The following NINJ2 variants were observed in gnomAD, a reference collection of about 807,000 sequenced individuals.
NINJ2 encodes the protein ninjurin-2.
A neutral mutation model predicts 11.7 loss-of-function variants in NINJ2; 12 were observed. The ratio of observed to expected loss-of-function variants is 1.02; its 90% CI spans 0.66 to 1.66. NINJ2 has a LOEUF of 1.66. Among genes scored for constraint, NINJ2 ranks in the 40% most tolerant of loss-of-function variants. The pLI is 0.00. For missense variants in NINJ2, 187 were observed against 181.8 expected, an observed-to-expected ratio of 1.03 and a Z score of -0.16; for synonymous variants, 93 against 76.8, an observed-to-expected ratio of 1.21 and a Z score of -1.10.
In NINJ2 at chr12:591,998, G is replaced by A. The variant is rs1026557034; in HGVS notation, c.34-25820C>T. ...AACTGCTCCTTTAGCCTGAAGGCCT[G>A]GAGCCCCAGCCGCCAGGCTGTAGCC... is the stretch of plus-strand genomic sequence containing the variant. On this transcript the variant is annotated intron_variant, in intron 1 of 3. Transcript: ENST00000305108. The surrounding 1 kb of genome is among the most constrained non-coding windows in gnomAD (Gnocchi z 5.0). 6.6e-6 allele frequency among the ~76,000 whole-genome samples: 1 copy of A among 151,710 alleles called. No homozygotes were observed. Among genetic ancestry groups the A allele is most frequent in the Non-Finnish European group, 1.5e-5 (1 of 68,002 alleles).
At chr12:660,646 G>C (rs1036001058) in intron 1 of NINJ2, among the ~76,000 whole-genome samples, 18 of 151,806 alleles carry the variant, frequency 1.2e-4, no homozygotes, top group African/African-American at 3.6e-4. Context: ...GCCCTGTTAT[G>C]CTCTTTCTAA....
chr12:621,591 CG>C (rs1246961899), intron 1 of NINJ2, among the ~76,000 whole-genome samples: 5 of 147,446 alleles, frequency 3.4e-5, no homozygotes, highest in Admixed American at 2.0e-4. Context: ...GAGGCCGAGA[CG>C]GGAGATGGGA....
chr12:586,076 C>G (rs1006166665), intron 1 of NINJ2: 5 of 152,222 alleles, frequency 3.3e-5, no homozygotes, highest in African/African-American at 1.2e-4. Context: ...ACATATGGGG[C>G]CCCTCGTTCA....
intron 1 of NINJ2, among the ~76,000 whole-genome samples, chr12:569,903 C>A (rs1947353655): frequency 6.6e-6 from 1 of 152,176 alleles, no homozygotes; most frequent in African/African-American, 2.4e-5. Context: ...TCAGGGTGTC[C>A]CCGCCTGCTC....
intron 1 of NINJ2, among the ~76,000 whole-genome samples, chr12:635,761 C>T (rs1448995483): frequency 6.6e-6 from 1 of 152,176 alleles, no homozygotes; most frequent in Non-Finnish European, 1.5e-5. Flanking sequence ...AGAACTTGCG[C>T]ACCAAAGGAC....
At chr12:588,874 G>T (rs1947680193) in intron 1 of NINJ2, among the ~76,000 whole-genome samples, 1 of 152,160 alleles carries the variant, frequency 6.6e-6, no homozygotes. Flanking sequence ...ACTCAGTGTT[G>T]GTGAAGACAT....
At chr12:648,369 C>T (rs1937724101) in intron 1 of NINJ2, among the ~76,000 whole-genome samples, 1 of 152,202 alleles carries the variant, frequency 6.6e-6, no homozygotes, top group Non-Finnish European at 1.5e-5. Context: ...TGAGCCACTG[C>T]GCCCGGCCTA....
Position 603,600 on chromosome 12 carries a change from A to G in NINJ2, c.34-37422T>C, listed in dbSNP as rs117611374. On this transcript the variant is annotated intron_variant, in intron 1 of 3. Coordinates refer to ENST00000305108, the MANE Select transcript of NINJ2 (RefSeq NM_016533.6). Reference sequence around the variant, plus strand: ...GCACATGGTATGAGGTAAGAGTCCAACTTTATTCTTTTCCATGTGGACATC... The same window carrying G: ...GCACATGGTATGAGGTAAGAGTCCAGCTTTATTCTTTTCCATGTGGACATC... Among the ~76,000 whole-genome samples, 675 of 151,920 alleles carry G rather than the reference A, an allele frequency of 4.4e-3. 34 individuals carry two copies. In the East Asian group the frequency reaches 0.11, roughly 25 times the overall value.
intron 1 of NINJ2, among the ~76,000 whole-genome samples, chr12:611,927 C>T (rs1249789860): frequency 2.0e-5 from 3 of 152,214 alleles, no homozygotes; most frequent in African/African-American, 4.8e-5. Flanking sequence ...GACCACTTAG[C>T]TAAAGTCAGC....
At chr12:621,774 G>A (rs1163638583) in intron 1 of NINJ2, among the ~76,000 whole-genome samples, 8 of 144,866 alleles carry the variant, frequency 5.5e-5, no homozygotes, top group South Asian at 2.2e-4. Flanking sequence ...CCAAGATTGC[G>A]CCACTGCACT....
chr12:575,849 C>G (rs765615657), intron 1 of NINJ2, among the ~76,000 whole-genome samples: 1 of 152,170 alleles, frequency 6.6e-6, no homozygotes, highest in African/African-American at 2.4e-5. Flanking sequence ...TTAAACACCC[C>G]CACTGCAGGG....
rs189339007 is a variant in NINJ2, at chr12:617,424, G to A, written c.33+45904C>T. 4.6e-5 allele frequency among the ~76,000 whole-genome samples: 7 copies of A among 152,252 alleles called. No homozygotes were observed. The East Asian group carries it at 7.7e-4, about 17-fold the overall frequency. ...CTTCTAATCCTGCCCCTGCATATCC[G>A]TGGCCCAAGCATTCCTTCTGCCTCC... On this transcript the variant is annotated intron_variant, in intron 1 of 3. Transcript: ENST00000305108.
intron 1 of NINJ2, among the ~76,000 whole-genome samples, chr12:588,386 T>C (rs1478168756): frequency 2.0e-5 from 3 of 152,232 alleles, no homozygotes; most frequent in Non-Finnish European, 4.4e-5. Flanking sequence ...TTAATACATT[T>C]GACTGCATAA....
intron 1 of NINJ2, among the ~76,000 whole-genome samples, chr12:603,039 G>A (rs1947892286): frequency 1.3e-5 from 2 of 151,704 alleles, no homozygotes; most frequent in African/African-American, 4.8e-5. Context: ...ATCTCACTAT[G>A]TTGCCCAGGC....
intron 1 of NINJ2, among the ~76,000 whole-genome samples, chr12:571,179 C>G (rs1947370434): frequency 6.6e-6 from 1 of 152,226 alleles, no homozygotes; most frequent in Non-Finnish European, 1.5e-5. Flanking sequence ...GAAAGGCTGC[C>G]CATCAAAATC....
chr12:615,834 T>C (rs1208546359), intron 1 of NINJ2, among the ~76,000 whole-genome samples: 1 of 152,182 alleles, frequency 6.6e-6, no homozygotes, highest in Admixed American at 6.5e-5. Flanking sequence ...CACATGCCCT[T>C]TTCAGGGTCA....
chr12:592,927 T>A (rs908920478), intron 1 of NINJ2, among the ~76,000 whole-genome samples: 1 of 152,086 alleles, frequency 6.6e-6, no homozygotes, highest in Non-Finnish European at 1.5e-5. Flanking sequence ...ATTACAGAAA[T>A]TTGTGAGTTA....
rs1268189556 is a variant in NINJ2, at chr12:640,094, C to T, written c.33+23234G>A. On this transcript the variant is annotated intron_variant, in intron 1 of 3. Transcript: ENST00000305108. This position sits in a 1 kb window ranked among gnomAD's most constrained non-coding sequence, Gnocchi z 4.0. ...GACCTACTGTCACAGCAATATGTATCCCCAGTTCACACACGGAATGTTTGC... is the reference window on the plus strand; with the variant it reads ...GACCTACTGTCACAGCAATATGTATTCCCAGTTCACACACGGAATGTTTGC... Among the ~76,000 whole-genome samples, 1 of 152,224 alleles carries T rather than the reference C, an allele frequency of 6.6e-6. No individual in the cohort carries two copies. The highest frequency in any genetic ancestry group is 1.5e-5 in the Non-Finnish European group (1 of 68,030).
chr12:618,998 G>T (rs1592100863), intron 1 of NINJ2, among the ~76,000 whole-genome samples: 1 of 152,204 alleles, frequency 6.6e-6, no homozygotes, highest in Non-Finnish European at 1.5e-5. Context: ...GAAAGGTCAG[G>T]CTTCTTTCTG....
Sources: allele counts gnomAD v4.1 joint callset (sites outside exome capture counted in the v4.1 genomes callset), GRCh38; gene constraint gnomAD v4.1.1; non-coding constraint Gnocchi (gnomAD v3.1); transcripts MANE v1.5; gene names NCBI Gene and HGNC (gene_info 2026-07-23, HGNC 2026-07-21).